Variants in PPP3CA observed in about 807,000 individuals in gnomAD.
PPP3CA encodes the protein CAM-PRP catalytic subunit.
In PPP3CA, 14 loss-of-function variants were observed where a neutral mutation model predicts 66.5. The observed-to-expected ratio is 0.21, with a 90% CI of 0.14 to 0.33. The LOEUF is 0.33. Among genes scored for constraint, PPP3CA ranks in the 10% least tolerant of loss-of-function variants. The pLI, the probability that PPP3CA is intolerant of heterozygous loss-of-function variation, is 1.00. For synonymous variants in PPP3CA, 232 were observed against 226.2 expected (o/e 1.03, Z -0.23); for missense variants, 317 against 639.5 (o/e 0.50, Z 5.44).
chr4:101,307,181 A>C (rs533470627), intron 1 of PPP3CA, among the ~76,000 whole-genome samples: 1 of 152,230 alleles, frequency 6.6e-6, no homozygotes, highest in East Asian at 1.9e-4. Context: ...AAAAAAAAAA[A>C]AAAAACAGAT....
intron 2 of PPP3CA, among the ~76,000 whole-genome samples, chr4:101,150,935 T>C (rs189477745): frequency 4.6e-5 from 7 of 152,310 alleles, no homozygotes; most frequent in Admixed American, 2.6e-4. Flanking sequence ...GTGTCTCTTC[T>C]AGGCCCACTC....
chr4:101,162,479 G>A (rs984503603), intron 2 of PPP3CA, among the ~76,000 whole-genome samples: 3 of 148,050 alleles, frequency 2.0e-5, no homozygotes, highest in African/African-American at 5.0e-5. Context: ...GCAGTGAGCC[G>A]TGATCACGCC....
chr4:101,346,477 C>G (rs886254900), intron 1 of PPP3CA, among the ~76,000 whole-genome samples: 3 of 152,138 alleles, frequency 2.0e-5, no homozygotes, highest in Non-Finnish European at 2.9e-5. Context: ...CCGCCACCTC[C>G]CCGCGGCTCA....
intron 3 of PPP3CA, among the ~76,000 whole-genome samples, chr4:101,105,837 T>C (rs1730642477): frequency 6.6e-6 from 1 of 152,318 alleles, no homozygotes; most frequent in African/African-American, 2.4e-5. Context: ...CACAACATCA[T>C]TTGACTGACA....
intron 1 of PPP3CA, among the ~76,000 whole-genome samples, chr4:101,199,578 T>G (rs73833268): frequency 0.034 from 5,224 of 152,246 alleles, 318 homozygotes; most frequent in African/African-American, 0.12. Flanking sequence ...TCCCACTCAA[T>G]GCCACTTTTT....
In PPP3CA at chr4:101,284,677, T is replaced by C. The variant is rs991680375; in HGVS notation, c.58+62062A>G. ...CCCATGTCTTTTTTTTTTCCCCTTA[T>C]TTATTTTGTAAGGTGCATTTCCCGT... On this transcript the variant is annotated intron_variant, in intron 1 of 13. Coordinates refer to ENST00000394854, the MANE Select transcript of PPP3CA (RefSeq NM_000944.5). Among the ~76,000 whole-genome samples, 5 of 152,180 alleles carry C rather than the reference T, an allele frequency of 3.3e-5. No homozygotes were observed. The East Asian group carries it at 9.7e-4, about 29-fold the overall frequency.
At chr4:101,265,703 A>T (rs892063056) in intron 1 of PPP3CA, among the ~76,000 whole-genome samples, 2 of 152,162 alleles carry the variant, frequency 1.3e-5, no homozygotes, top group Non-Finnish European at 2.9e-5. Context: ...TGATAACCCA[A>T]ATAAAAACCA....
chr4:101,159,830 G>A (rs1428469291), intron 2 of PPP3CA, among the ~76,000 whole-genome samples: 1 of 152,088 alleles, frequency 6.6e-6, no homozygotes, highest in Non-Finnish European at 1.5e-5. Context: ...GTATCAACCA[G>A]CGCTGCCTTT....
chr4:101,095,810 C>G (rs1314958093), intron 5 of PPP3CA, among the ~76,000 whole-genome samples: 1 of 152,102 alleles, frequency 6.6e-6, no homozygotes, highest in East Asian at 1.9e-4. Flanking sequence ...CGCCACCATG[C>G]CTGGCTAATT....
At chr4:101,221,641 C>A (rs1278589623) in intron 1 of PPP3CA, among the ~76,000 whole-genome samples, 1 of 151,412 alleles carries the variant, frequency 6.6e-6, no homozygotes, top group African/African-American at 2.4e-5. Context: ...TATTGAAAAA[C>A]CACATAAAAA....
chr4:101,106,642 A>G (rs551974963), intron 3 of PPP3CA, among the ~76,000 whole-genome samples: 7 of 152,274 alleles, frequency 4.6e-5, no homozygotes, highest in Non-Finnish European at 8.8e-5. Context: ...ACCTATGGCC[A>G]TATCAGCAAA....
At chr4:101,128,084 G>T (rs767411089) in intron 2 of PPP3CA, among the ~76,000 whole-genome samples, 6 of 152,118 alleles carry the variant, frequency 3.9e-5, no homozygotes, top group Admixed American at 6.5e-5. Flanking sequence ...CCCTCACATA[G>T]AGATATCTAG....
At chr4:101,132,866 C>A (rs1370682999) in intron 2 of PPP3CA, among the ~76,000 whole-genome samples, 1 of 152,180 alleles carries the variant, frequency 6.6e-6, no homozygotes, top group Admixed American at 6.5e-5. Context: ...TACTGGCAAA[C>A]TGAATACAGC....
intron 8 of PPP3CA, among the ~76,000 whole-genome samples, chr4:101,069,823 A>C (rs1163277998): frequency 6.6e-6 from 1 of 152,224 alleles, no homozygotes; most frequent in Non-Finnish European, 1.5e-5. Flanking sequence ...AATTTCCTTC[A>C]GGACATTTTT....
intron 13 of PPP3CA, 55 bp downstream of exon 13, chr4:101,029,111 C>T: frequency 2.6e-6 from 4 of 1,510,988 alleles, no homozygotes; most frequent in Non-Finnish European, 2.8e-6. Context: ...ATGAATACAC[C>T]CAGCAGAGCC....
intron 1 of PPP3CA, among the ~76,000 whole-genome samples, chr4:101,319,587 T>C (rs1174022688): frequency 6.6e-6 from 1 of 152,118 alleles, no homozygotes; most frequent in Non-Finnish European, 1.5e-5. Flanking sequence ...TGATATGAAA[T>C]TGGCAGTACT....
chr4:101,126,102 G>T (rs189323099), intron 2 of PPP3CA, among the ~76,000 whole-genome samples: 1 of 152,186 alleles, frequency 6.6e-6, no homozygotes, highest in South Asian at 2.1e-4. Flanking sequence ...AATAATGCAT[G>T]AGTTAAATTA....
chr4:101,110,989 TAAA>T (rs1339558973), intron 2 of PPP3CA, among the ~76,000 whole-genome samples: 1 of 152,204 alleles, frequency 6.6e-6, no homozygotes, highest in Non-Finnish European at 1.5e-5. Context: ...ATATCCATCT[TAAA>T]AACTTAATTA....
At chr4:101,335,933 G>T (rs1006596717) in intron 1 of PPP3CA, among the ~76,000 whole-genome samples, 5 of 152,134 alleles carry the variant, frequency 3.3e-5, no homozygotes, top group Non-Finnish European at 5.9e-5. Flanking sequence ...GGCCGGGCAT[G>T]GTGGCTCACA....
Sources: gnomAD v4.1 joint callset for allele counts (sites outside exome capture counted in the v4.1 genomes callset) on GRCh38, gnomAD v4.1.1 for gene constraint, MANE v1.5 for transcripts, NCBI Gene and HGNC (gene_info 2026-07-23, HGNC 2026-07-21) for gene names.